The following SDK1 variants were observed in gnomAD, a reference collection of about 807,000 sequenced individuals.
SDK1 encodes sidekick cell adhesion molecule 1, also known as protein sidekick-1.
SDK1 carries 157 observed loss-of-function variants against 245.5 expected under a neutral mutation model. The observed-to-expected ratio is 0.64, with a 90% CI of 0.56 to 0.73. SDK1 has a LOEUF of 0.73. SDK1 is among the 30% of genes least tolerant of loss of function. The pLI, the probability that SDK1 is intolerant of heterozygous loss-of-function variation, is 0.00. For missense variants in SDK1, 3,583 were observed against 3,002.3 expected, an observed-to-expected ratio of 1.19 and a Z score of -4.52; for synonymous variants, 1,647 against 1,278.5, an observed-to-expected ratio of 1.29 and a Z score of -6.15.
chr7:4,051,626 G>A lies in SDK1; in HGVS notation c.2719-12G>A. On this transcript the variant is annotated splice_polypyrimidine_tract_variant and intron_variant, in intron 18 of 44. Transcript: ENST00000404826. ...GAAAACAGGCTGTCTTTTTCACCCT[G>A]TTCCATCTCAGCTTCTGGCATGGCC... 1 of 1,608,066 alleles carries A rather than the reference G, an allele frequency of 6.2e-7. No individual in the cohort carries two copies. The highest frequency in any genetic ancestry group is 1.3e-5 in the African/African-American group (1 of 74,732).
At chr7:4,252,793 A>G (rs1379546916) in intron 44 of SDK1, among the ~76,000 whole-genome samples, 1 of 147,532 alleles carries the variant, frequency 6.8e-6, no homozygotes, top group Non-Finnish European at 1.5e-5. Flanking sequence ...TACTAGTTCT[A>G]TCTGTTTATT....
intron 25 of SDK1, among the ~76,000 whole-genome samples, chr7:4,122,865 C>G (rs1432976771): frequency 6.6e-6 from 1 of 152,198 alleles, no homozygotes; most frequent in Non-Finnish European, 1.5e-5. Flanking sequence ...TTCTTGAAAA[C>G]TTTGCAACTC....
At chr7:3,962,888 C>T (rs375109803) in intron 9 of SDK1, 37 bp downstream of exon 9, 117 of 1,514,964 alleles carry the variant, frequency 7.7e-5, no homozygotes, top group African/African-American at 9.7e-5. Flanking sequence ...CTGACCTGGA[C>T]GTATCCAGTG....
chr7:3,784,556 G>C (rs1171790807), intron 4 of SDK1, among the ~76,000 whole-genome samples: 1 of 152,056 alleles, frequency 6.6e-6, no homozygotes, highest in African/African-American at 2.4e-5. Context: ...CAAGGGACTG[G>C]AATAGACATT....
chr7:3,869,574 G>T (rs751105006), intron 5 of SDK1, among the ~76,000 whole-genome samples: 1 of 152,154 alleles, frequency 6.6e-6, no homozygotes, highest in Non-Finnish European at 1.5e-5. Context: ...CCCCCAGCCC[G>T]CTGCGTCCTC....
intron 5 of SDK1, among the ~76,000 whole-genome samples, chr7:3,871,443 G>A (rs527807174): frequency 6.6e-6 from 1 of 152,188 alleles, no homozygotes; most frequent in South Asian, 2.1e-4. Flanking sequence ...TAGTACAGGG[G>A]ATGTGTCTTA....
chr7:3,970,311 G>A (rs1441387427), intron 11 of SDK1, among the ~76,000 whole-genome samples: 2 of 152,154 alleles, frequency 1.3e-5, no homozygotes, highest in East Asian at 3.8e-4. Context: ...TCATATGGTT[G>A]GTGTCCACTT....
At chr7:4,008,232 G>A (rs6462527) in intron 14 of SDK1, among the ~76,000 whole-genome samples, 70,606 of 152,140 alleles carry the variant, frequency 0.46, 18,752 homozygotes, top group African/African-American at 0.75. Flanking sequence ...CTTCCTTTAA[G>A]AAGCTGAATA....
At chr7:3,682,472 C>T (rs1329572850) in intron 4 of SDK1, among the ~76,000 whole-genome samples, 4 of 152,282 alleles carry the variant, frequency 2.6e-5, no homozygotes, top group African/African-American at 7.2e-5. Context: ...CTAATGGCAG[C>T]GTTCCCACGG....
intron 1 of SDK1, among the ~76,000 whole-genome samples, chr7:3,381,988 T>G (rs932771218): frequency 6.6e-6 from 1 of 152,218 alleles, no homozygotes; most frequent in African/African-American, 2.4e-5. Flanking sequence ...CCGTTCGTCT[T>G]AAAGTAATTT....
Position 3,969,407 on chromosome 7 carries a change from C to G in SDK1, c.1697C>G (p.Ala566Gly). The G allele has an allele frequency of 1.2e-6, 2 of 1,601,076 alleles. No individual in the cohort carries two copies. The stretch of plus-strand genomic sequence containing the variant: ...ACAGAGGGCTCCCTGAATGCATCGG[C>G]CACGCTCACTGTGTGGAGTAAGGAG... Reference protein sequence around the residue: ...ANTEGSLNASATLTVWNRTSI... With the variant: ...ANTEGSLNASGTLTVWNRTSI... The change falls in exon 11 of 45, where the codon GCC becomes GGC. Residue 566 changes from alanine to glycine, a missense_variant. Physicochemically the swap from Ala to Gly is moderately conservative, Grantham distance 60 (BLOSUM62 0). Coordinates refer to ENST00000404826, the MANE Select transcript of SDK1 (RefSeq NM_152744.4).
rs531582814 is a variant in SDK1, at chr7:3,444,433, A to T, written c.298+142549A>T. 6.8e-4 allele frequency among the ~76,000 whole-genome samples: 104 copies of T among 152,220 alleles called. 1 individual carries two copies. The highest frequency in any genetic ancestry group is 6.7e-3 in the Admixed American group (102 of 15,284). On this transcript the variant is annotated intron_variant, in intron 1 of 44. Coordinates refer to ENST00000404826, the MANE Select transcript of SDK1 (RefSeq NM_152744.4). ...TTCTGTGTTTAGGAGTGCTTAATGA[A>T]TATTTATTGAGTCAATGGGTGATTT...
chr7:4,018,666 G>C (rs753724996), intron 17 of SDK1, among the ~76,000 whole-genome samples: 1 of 152,086 alleles, frequency 6.6e-6, no homozygotes. Context: ...TTTATTTCCG[G>C]TGCATTTGAG....
At chr7:3,317,480 T>C (rs964391989) in intron 1 of SDK1, among the ~76,000 whole-genome samples, 2 of 152,204 alleles carry the variant, frequency 1.3e-5, no homozygotes, top group African/African-American at 2.4e-5. Context: ...CCCTTCATCT[T>C]CGCTCCTCAT....
At chr7:3,419,825 A>G (rs1037482793) in intron 1 of SDK1, among the ~76,000 whole-genome samples, 1 of 152,194 alleles carries the variant, frequency 6.6e-6, no homozygotes, top group African/African-American at 2.4e-5. Flanking sequence ...AAAGAACAAA[A>G]CTAAGCTTAG....
intron 1 of SDK1, among the ~76,000 whole-genome samples, chr7:3,505,113 T>G (rs1782351205): frequency 6.6e-6 from 1 of 152,258 alleles, no homozygotes; most frequent in Admixed American, 6.5e-5. Context: ...ACATACTTCG[T>G]CAGAATAAAG....
chr7:4,175,792 A>T lies in SDK1; in HGVS notation c.4954A>T (p.Thr1652Ser), dbSNP rs1269057384. ...AELTAQSSFK[T>S]VNSSSTSTMC... ...CCCAATAGCCCAAAGCAGCTTCAAG[A>T]CGGTGAACAGCAGCTCCACATCGAC... The change falls in exon 34 of 45, where the codon ACG (threonine) becomes TCG (serine). Residue 1652 changes from threonine (T) to serine (S), a missense_variant. Transcript: ENST00000404826. The T allele has an allele frequency of 1.9e-6, 3 of 1,613,978 alleles. No homozygotes were observed. Among genetic ancestry groups the T allele is most frequent in the Non-Finnish European group, 2.5e-6 (3 of 1,179,994 alleles).
chr7:3,609,122 T>A (rs1219782023), intron 1 of SDK1, among the ~76,000 whole-genome samples: 1 of 152,224 alleles, frequency 6.6e-6, no homozygotes, highest in African/African-American at 2.4e-5. Context: ...ATTAATAATG[T>A]AATGACTTTG....
intron 1 of SDK1, among the ~76,000 whole-genome samples, chr7:3,431,445 C>G (rs550480788): frequency 2.0e-3 from 289 of 143,098 alleles, no homozygotes; most frequent in Middle Eastern, 7.8e-3. Context: ...GATGATTACT[C>G]TGAAAACATA....
Sources: gnomAD v4.1 joint callset for allele counts (sites outside exome capture counted in the v4.1 genomes callset) on GRCh38, gnomAD v4.1.1 for gene constraint, MANE v1.5 for transcripts, NCBI Gene and HGNC (gene_info 2026-07-23, HGNC 2026-07-21) for gene names.